The following CORO1C variants were observed in gnomAD, a reference collection of about 807,000 sequenced individuals.
CORO1C encodes coronin-1C.
A neutral mutation model predicts 51.2 loss-of-function variants in CORO1C; 14 were observed. That is an observed-to-expected ratio of 0.27 (90% CI 0.18 to 0.43). The LOEUF (loss-of-function observed/expected upper bound fraction) is 0.43, where lower values mean the gene tolerates loss of function less well. Among genes scored for constraint, CORO1C ranks in the 20% least tolerant of loss-of-function variants. The pLI is 1.00. For synonymous variants in CORO1C, 181 were observed against 210.5 expected (o/e 0.86, Z 1.21); for missense variants, 417 against 607.8 (o/e 0.69, Z 3.30).
At chr12:108,656,492 C>T (rs1374633024) in intron 6 of CORO1C, among the ~76,000 whole-genome samples, 2 of 152,028 alleles carry the variant, frequency 1.3e-5, no homozygotes, top group Non-Finnish European at 2.9e-5. Flanking sequence ...TCTGCCCTGC[C>T]GCCCCTTCTG....
intron 7 of CORO1C, 54 bp downstream of exon 7, chr12:108,654,252 G>C (rs1346506404): frequency 7.9e-6 from 9 of 1,134,768 alleles, no homozygotes; most frequent in Non-Finnish European, 1.2e-5. Context: ...ATCTCTGAAG[G>C]ATAAATGTTT....
In CORO1C at chr12:108,646,093, T is replaced by A. The variant is rs2111211; in HGVS notation, c.*1310A>T. On this transcript the variant is annotated 3_prime_UTR_variant, in exon 11 of 11. Coordinates refer to ENST00000261401, the MANE Select transcript of CORO1C (RefSeq NM_014325.4). ...GCATTAAAGCTACAGCAGAGGTCTG[T>A]GCTCCTGTTTCTGCTTCACTCTCTA... 1 of 152,028 alleles carries A rather than the reference T, an allele frequency of 6.6e-6. No individual in the cohort carries two copies. The highest frequency in any genetic ancestry group is 1.5e-5 in the Non-Finnish European group (1 of 68,012). 9.4% of individuals were successfully genotyped at this position (152,028 alleles called of 1,614,324 possible).
chr12:108,701,305 A>G lies in CORO1C; in HGVS notation c.14T>C (p.Val5Ala). 1 of 1,614,188 alleles carries G rather than the reference A, an allele frequency of 6.2e-7. No homozygotes were observed. Among genetic ancestry groups the G allele is most frequent in the Non-Finnish European group, 8.5e-7 (1 of 1,180,024 alleles). Reference sequence around the variant, plus strand: ...TACATGCCGAAACTTGCTCTGTCGTACCACTCGCCTCATCGTGTCTGCAAA... The same window carrying G: ...TACATGCCGAAACTTGCTCTGTCGTGCCACTCGCCTCATCGTGTCTGCAAA... MRRVVRQSKFRHVFG... is the reference protein window; with the variant it reads MRRVARQSKFRHVFG... The change falls in exon 2 of 11, where the codon GTA becomes GCA. Residue 5 changes from valine (V) to alanine (A), a missense_variant. Coordinates refer to ENST00000261401, the MANE Select transcript of CORO1C (RefSeq NM_014325.4).
chr12:108,724,325 T>C (rs781398440), intron 1 of CORO1C, among the ~76,000 whole-genome samples: 23 of 152,184 alleles, frequency 1.5e-4, no homozygotes, highest in Non-Finnish European at 2.4e-4. Flanking sequence ...CAGGTTCACA[T>C]TGTTAAATAA....
At chr12:108,698,684 G>A (rs1399821942) in intron 2 of CORO1C, among the ~76,000 whole-genome samples, 5 of 152,260 alleles carry the variant, frequency 3.3e-5, no homozygotes, top group African/African-American at 4.8e-5. Context: ...TGGGATTACA[G>A]GCATGGGCCA....
chr12:108,663,149 A>G (rs531085440), intron 3 of CORO1C, among the ~76,000 whole-genome samples: 3 of 152,384 alleles, frequency 2.0e-5, no homozygotes, highest in African/African-American at 7.2e-5. Context: ...GATGGCTAGA[A>G]TCAAAAAGAC....
chr12:108,728,108 G>A (rs1458677646), intron 1 of CORO1C, among the ~76,000 whole-genome samples: 6 of 152,172 alleles, frequency 3.9e-5, no homozygotes, highest in Non-Finnish European at 5.9e-5. Flanking sequence ...GGTGAATACC[G>A]TAAAATGGTG....
chr12:108,656,014 C>T (rs1328482014), intron 6 of CORO1C, among the ~76,000 whole-genome samples: 18 of 149,032 alleles, frequency 1.2e-4, no homozygotes, highest in African/African-American at 3.5e-4. Flanking sequence ...ATGTGAGGAG[C>T]GCCTCTGCCC....
chr12:108,726,070 T>A (rs2035582067), intron 1 of CORO1C, among the ~76,000 whole-genome samples: 1 of 152,098 alleles, frequency 6.6e-6, no homozygotes, highest in Non-Finnish European at 1.5e-5. Context: ...CCTGACCTCG[T>A]GATCTGCCCG....
chr12:108,728,185 G>A (rs368845779), intron 1 of CORO1C, among the ~76,000 whole-genome samples: 19 of 152,050 alleles, frequency 1.2e-4, no homozygotes, highest in South Asian at 2.1e-4. Context: ...ACAACCCATC[G>A]ATTACATTCC....
chr12:108,664,811 A>C (rs1452322054), intron 3 of CORO1C, among the ~76,000 whole-genome samples: 2 of 152,260 alleles, frequency 1.3e-5, no homozygotes, highest in African/African-American at 4.8e-5. Context: ...TCTGAATATA[A>C]AGCAGGACTG....
intron 1 of CORO1C, among the ~76,000 whole-genome samples, chr12:108,720,468 CTAACA>C (rs1351878777): frequency 6.6e-6 from 1 of 151,956 alleles, no homozygotes; most frequent in Non-Finnish European, 1.5e-5. Flanking sequence ...AAACATCTTG[CTAACA>C]TATTTATTTA....
intron 1 of CORO1C, among the ~76,000 whole-genome samples, chr12:108,704,081 C>T (rs564435546): frequency 3.6e-4 from 55 of 152,292 alleles, no homozygotes; most frequent in Non-Finnish European, 5.4e-4. Context: ...TACCATCTAA[C>T]CTCATAAAAA....
At chr12:108,652,208 C>T (rs2136795758) in intron 8 of CORO1C, 64 bp downstream of exon 8, 2 of 1,489,332 alleles carry the variant, frequency 1.3e-6, no homozygotes, top group East Asian at 2.3e-5. Context: ...TATGCTAGTC[C>T]AAGTACAAAT....
intron 6 of CORO1C, among the ~76,000 whole-genome samples, chr12:108,655,353 T>A (rs1008352735): frequency 2.8e-5 from 4 of 143,970 alleles, no homozygotes; most frequent in African/African-American, 1.0e-4. Context: ...CCCCTCCCTC[T>A]CCCCTTCCCC....
At chr12:108,679,134 C>CA (rs2034027740) in intron 2 of CORO1C, among the ~76,000 whole-genome samples, 12 of 49,670 alleles carry the variant, frequency 2.4e-4, no homozygotes, top group East Asian at 4.6e-4. Flanking sequence ...AAAAAAGAAA[C>CA]AAGAAAAAAG....
chr12:108,682,619 AAC>A (rs1487009768), intron 2 of CORO1C, among the ~76,000 whole-genome samples: 2 of 152,226 alleles, frequency 1.3e-5, no homozygotes, highest in Non-Finnish European at 2.9e-5. Flanking sequence ...TAAGAAATTA[AAC>A]AGACAAAATT....
At chr12:108,652,616 C>G (rs990832985) in intron 7 of CORO1C, among the ~76,000 whole-genome samples, 199 bp from the exon 8 acceptor site, 1 of 152,168 alleles carries the variant, frequency 6.6e-6, no homozygotes, top group African/African-American at 2.4e-5. Context: ...TTATCAAATG[C>G]TAGCATGCCT....
intron 2 of CORO1C, among the ~76,000 whole-genome samples, chr12:108,698,358 G>GGAA (rs1397742924): frequency 3.3e-5 from 5 of 152,230 alleles, no homozygotes; most frequent in African/African-American, 1.2e-4. Flanking sequence ...TGAGAACCAT[G>GGAA]GAAGGTGAGA....
Sources: allele counts gnomAD v4.1 joint callset (sites outside exome capture counted in the v4.1 genomes callset), GRCh38; gene constraint gnomAD v4.1.1; transcripts MANE v1.5; gene names NCBI Gene and HGNC (gene_info 2026-07-23, HGNC 2026-07-21).